The following ESRP1 variants were observed in gnomAD, a reference collection of about 807,000 sequenced individuals.
The protein encoded by ESRP1 is RNA-binding motif protein 35A.
A neutral mutation model predicts 81.7 loss-of-function variants in ESRP1; 33 were observed. That is an observed-to-expected ratio of 0.40 (90% CI 0.31 to 0.54). ESRP1 has a LOEUF of 0.54. Among genes scored for constraint, ESRP1 ranks in the 20% least tolerant of loss-of-function variants. The probability of loss-of-function intolerance (pLI) is 0.41; values close to 1 mark genes in which losing one functional copy is unlikely to be tolerated. For missense variants in ESRP1, 672 were observed against 833.1 expected, an observed-to-expected ratio of 0.81 and a Z score of 2.38; for synonymous variants, 320 against 303.3, an observed-to-expected ratio of 1.06 and a Z score of -0.57.
In ESRP1 at chr8:94,674,325, T is replaced by C. The variant is rs770955572; in HGVS notation, c.1470T>C (p.Asp490=). Reference sequence around the variant, plus strand: ...ACACTCAGGGCCGCCCATCAGGAGATGCCTTTATCCAGATGAAGTCTGCGG... The same window carrying C: ...ACACTCAGGGCCGCCCATCAGGAGACGCCTTTATCCAGATGAAGTCTGCGG... ...VLNHQGRPSG[D]AFIQMKSADR... Residue 490 remains aspartate (D), a synonymous_variant, in exon 12 of 16, where the codon GAT becomes GAC. Coordinates refer to ENST00000433389, the MANE Select transcript of ESRP1 (RefSeq NM_017697.4). The C allele has an allele frequency of 1.9e-6, 3 of 1,613,884 alleles. No individual in the cohort carries two copies. The South Asian group carries it at 3.3e-5, about 18-fold the overall frequency.
chr8:94,686,989 T>C (rs1809166720), intron 13 of ESRP1, among the ~76,000 whole-genome samples: 1 of 152,248 alleles, frequency 6.6e-6, no homozygotes, highest in Non-Finnish European at 1.5e-5. Flanking sequence ...TTTTAGGTGT[T>C]CGGTCATTTT....
intron 4 of ESRP1, among the ~76,000 whole-genome samples, chr8:94,652,825 G>C (rs1021041101): frequency 6.6e-6 from 1 of 152,106 alleles, no homozygotes; most frequent in African/African-American, 2.4e-5. Context: ...GGCTCAGTGG[G>C]GAGCTTTCAT....
rs199788839 is a variant in ESRP1, at chr8:94,641,978, T to C, written c.155T>C (p.Leu52Pro). 333 of 1,613,974 alleles carry C rather than the reference T, an allele frequency of 2.1e-4. No homozygotes were observed. Among genetic ancestry groups the C allele is most frequent in the South Asian group, 2.9e-4 (26 of 91,080 alleles). Reference protein sequence around the residue: ...NKKVGQLHEVLVRPDQLELTE... With the variant: ...NKKVGQLHEVPVRPDQLELTE... ...GAGGTGGGACAGTTGCACGAAGTGCTAGTTAGACCGGATCAGTTGGAACTG... is the reference window on the plus strand; with the variant it reads ...GAGGTGGGACAGTTGCACGAAGTGCCAGTTAGACCGGATCAGTTGGAACTG... The change falls in exon 2 of 16, where the codon CTA becomes CCA. Residue 52 changes from leucine to proline, a missense_variant. Physicochemically the swap from Leu to Pro is moderately conservative, Grantham distance 98. Transcript: ENST00000433389.
intron 13 of ESRP1, among the ~76,000 whole-genome samples, chr8:94,686,232 G>A (rs574593590): frequency 9.2e-5 from 14 of 152,274 alleles, no homozygotes; most frequent in Non-Finnish European, 1.8e-4. Context: ...GCTGGCCTAC[G>A]TTACCTATAT....
intron 15 of ESRP1, among the ~76,000 whole-genome samples, chr8:94,703,661 G>T (rs1219386815): frequency 6.6e-6 from 1 of 152,154 alleles, no homozygotes; most frequent in African/African-American, 2.4e-5. Flanking sequence ...GACAGTCCCA[G>T]GGTTGACTGA....
intron 4 of ESRP1, among the ~76,000 whole-genome samples, chr8:94,650,679 G>A (rs781503236): frequency 8.5e-5 from 13 of 152,204 alleles, no homozygotes; most frequent in East Asian, 1.9e-4. Context: ...TAAACATCAC[G>A]TGCAGGTTTT....
intron 3 of ESRP1, 42 bp from the exon 4 acceptor site, chr8:94,646,114 GAAACATTGAACC>G (rs1817837256): frequency 2.0e-6 from 2 of 997,232 alleles, no homozygotes; most frequent in East Asian, 5.1e-5. Flanking sequence ...AATTGTGAGA[GAAACATTGAACC>G]AAATTCACCT....
rs914198086 is a variant in ESRP1 at position 94,700,965 on chromosome 8, G to A, written c.*35+4004G>A. On this transcript the variant is annotated intron_variant, in intron 15 of 15. Transcript: ENST00000433389. ...TGTGTGTGTGTGTATGTGTGTGTGTGTGTGTGTGTGTGTGTGTGTTAAGAG... is the reference window on the plus strand; with the variant it reads ...TGTGTGTGTGTGTATGTGTGTGTGTATGTGTGTGTGTGTGTGTGTTAAGAG... 2.2e-4 allele frequency among the ~76,000 whole-genome samples: 32 copies of A among 145,978 alleles called. 1 individual carries two copies. The highest frequency in any genetic ancestry group is 4.4e-4 in the South Asian group (2 of 4,528).
At chr8:94,654,302 A>T (rs1586184393) in intron 4 of ESRP1, among the ~76,000 whole-genome samples, 1 of 152,068 alleles carries the variant, frequency 6.6e-6, no homozygotes, top group East Asian at 1.9e-4. Flanking sequence ...TGGGCGACAG[A>T]GTGAGACTCC....
At chr8:94,642,422 A>T (rs1586165687) in intron 2 of ESRP1, among the ~76,000 whole-genome samples, 1 of 152,202 alleles carries the variant, frequency 6.6e-6, no homozygotes, top group African/African-American at 2.4e-5. Flanking sequence ...TCCAGACCCC[A>T]GACGCGCCGC....
rs573639458 is a variant in ESRP1 at position 94,684,970 on chromosome 8, A to G, written c.1820+6599A>G. ...CTTGAGCCTGGAGATTGAAGCTGCA[A>G]TGAGCTGTGATCGTGCTCATTGTGG... On this transcript the variant is annotated intron_variant, in intron 13 of 15. Coordinates refer to ENST00000433389, the MANE Select transcript of ESRP1 (RefSeq NM_017697.4). Among the ~76,000 whole-genome samples, 5 of 151,878 alleles carry G rather than the reference A, an allele frequency of 3.3e-5. No homozygotes were observed. In the South Asian group the frequency reaches 6.3e-4, roughly 19 times the overall value.
Position 94,665,047 on chromosome 8 carries a change from C to A in ESRP1, c.876C>A (p.Thr292=), listed in dbSNP as rs372591846. 3.1e-6 allele frequency: 5 copies of A among 1,613,506 alleles called. No individual in the cohort carries two copies. The highest frequency in any genetic ancestry group is 4.2e-6 in the Non-Finnish European group (5 of 1,179,852). ...AGAGGCACAAACATCACATGGGGAC[C>A]CGGTATATTGAGGTATGTCCTCAAA... is the stretch of plus-strand genomic sequence containing the variant. ...ALQRHKHHMG[T]RYIEVYKATG... Residue 292 remains threonine (T), a synonymous_variant, in exon 8 of 16, where the codon ACC becomes ACA. Coordinates refer to ENST00000433389, the MANE Select transcript of ESRP1 (RefSeq NM_017697.4).
At chr8:94,670,342 C>A (rs950855962) in intron 10 of ESRP1, among the ~76,000 whole-genome samples, 5 of 152,058 alleles carry the variant, frequency 3.3e-5, no homozygotes, top group African/African-American at 1.2e-4. Context: ...ATTTTCTATT[C>A]TTGTTCTTCT....
intron 13 of ESRP1, among the ~76,000 whole-genome samples, chr8:94,689,249 CAAAA>C (rs56220336): frequency 2.0e-5 from 2 of 98,830 alleles, no homozygotes; most frequent in African/African-American, 4.4e-5. Context: ...ACTCAGTCTC[CAAAA>C]AAAAAAAAAA....
At chr8:94,644,800 T>C (rs1466515907) in intron 3 of ESRP1, among the ~76,000 whole-genome samples, 1 of 152,226 alleles carries the variant, frequency 6.6e-6, no homozygotes, top group Non-Finnish European at 1.5e-5. Context: ...AAAGTAATTC[T>C]GTATATTCGT....
At chr8:94,677,123 T>G (rs1432418156) in intron 12 of ESRP1, among the ~76,000 whole-genome samples, 1 of 152,198 alleles carries the variant, frequency 6.6e-6, no homozygotes, top group Admixed American at 6.5e-5. Flanking sequence ...AAGTTAAATA[T>G]GAGATCAATA....
intron 9 of ESRP1, among the ~76,000 whole-genome samples, chr8:94,665,694 T>C (rs1165638889): frequency 6.6e-6 from 1 of 152,132 alleles, no homozygotes; most frequent in Non-Finnish European, 1.5e-5. Flanking sequence ...GGTTTCACCA[T>C]GTTGGCCAAG....
At position 94,689,811 on chromosome 8, in the gene ESRP1, C is replaced by CTTTTTTTTTTTTTTTTTTTTTT. The variant is rs58359551; in HGVS notation, c.1821-2862_1821-2841dup. ...CACAGGCATGTGCTATGATGCCTGG[C>CTTTTTTTTTTTTTTTTTTTTTT]TTTTTTTTTTTTTTTTTTTTTTTTT... On this transcript the variant is annotated intron_variant, in intron 13 of 15. Transcript: ENST00000433389. Among the ~76,000 whole-genome samples, 118 of 64,640 alleles carry CTTTTTTTTTTTTTTTTTTTTTT rather than the reference C, an allele frequency of 1.8e-3. 9 individuals are homozygous for CTTTTTTTTTTTTTTTTTTTTTT. The highest frequency in any genetic ancestry group is 2.3e-3 in the Non-Finnish European group (79 of 33,656). The allele number at this position is 64,640 out of a possible 152,430, so 42.4% of individuals were successfully genotyped here.
intron 4 of ESRP1, among the ~76,000 whole-genome samples, chr8:94,647,809 A>C (rs927557519): frequency 2.6e-5 from 4 of 152,142 alleles, no homozygotes; most frequent in Non-Finnish European, 4.4e-5. Flanking sequence ...ATTAGAAGGC[A>C]GTGGAGGAAA....
Sources: allele counts gnomAD v4.1 joint callset (sites outside exome capture counted in the v4.1 genomes callset), GRCh38; gene constraint gnomAD v4.1.1; transcripts MANE v1.5; gene names NCBI Gene and HGNC (gene_info 2026-07-23, HGNC 2026-07-21).